Variants in MACROD2 observed in about 807,000 individuals in gnomAD.
MACROD2 encodes ADP-ribose glycohydrolase MACROD2.
MACROD2 carries 36 observed loss-of-function variants against 70.4 expected under a neutral mutation model. That is an observed-to-expected ratio of 0.51 (90% CI 0.39 to 0.68). The LOEUF (loss-of-function observed/expected upper bound fraction) is 0.68, where lower values mean the gene tolerates loss of function less well. Ranked by LOEUF, MACROD2 falls within the 30% of genes least tolerant of loss-of-function variation. The pLI, the probability that MACROD2 is intolerant of heterozygous loss-of-function variation, is 0.00. For missense variants in MACROD2, 496 were observed against 538.4 expected (o/e 0.92, Z 0.78); for synonymous variants, 172 against 178.8 (o/e 0.96, Z 0.30).
intron 5 of MACROD2, among the ~76,000 whole-genome samples, chr20:15,026,091 A>G (rs1287847842): frequency 6.6e-6 from 1 of 151,346 alleles, no homozygotes; most frequent in African/African-American, 2.4e-5. Flanking sequence ...ACACTGTGGT[A>G]GACTAGTATT....
chr20:14,466,982 G>A (rs2084459545), intron 3 of MACROD2, among the ~76,000 whole-genome samples: 1 of 152,190 alleles, frequency 6.6e-6, no homozygotes, highest in Non-Finnish European at 1.5e-5. Flanking sequence ...TCAGGGGTTG[G>A]GGACCCACTT....
chr20:14,266,843 G>T (rs570582203), intron 3 of MACROD2, among the ~76,000 whole-genome samples: 1 of 152,238 alleles, frequency 6.6e-6, no homozygotes, highest in African/African-American at 2.4e-5. Flanking sequence ...TTAGTTATCA[G>T]GTCACCCAGA....
intron 15 of MACROD2, among the ~76,000 whole-genome samples, chr20:15,995,075 A>C (rs2147489295): frequency 6.6e-6 from 1 of 152,218 alleles, no homozygotes; most frequent in African/African-American, 2.4e-5. Flanking sequence ...ATTGATATAT[A>C]ATTGAGTTAT....
chr20:15,487,568 CATAGA>C (rs1385615458), intron 7 of MACROD2, among the ~76,000 whole-genome samples: 15 of 152,122 alleles, frequency 9.9e-5, no homozygotes, highest in African/African-American at 3.4e-4. Context: ...CTATCTAAAC[CATAGA>C]ATAGAAGTCT....
At chr20:15,678,014 A>C (rs927008778) in intron 8 of MACROD2, among the ~76,000 whole-genome samples, 1 of 152,050 alleles carries the variant, frequency 6.6e-6, no homozygotes, top group Non-Finnish European at 1.5e-5. Flanking sequence ...GCAGTGAGCC[A>C]AGATCACGCC....
intron 8 of MACROD2, among the ~76,000 whole-genome samples, chr20:15,613,773 T>TTGC (rs1205052948): frequency 6.6e-6 from 1 of 152,194 alleles, no homozygotes; most frequent in Non-Finnish European, 1.5e-5. Flanking sequence ...ACAGTGGAAC[T>TTGC]TGCCTCTTAG....
chr20:15,062,106 A>C (rs1476284929), intron 5 of MACROD2, among the ~76,000 whole-genome samples: 3 of 152,140 alleles, frequency 2.0e-5, no homozygotes, highest in African/African-American at 7.2e-5. Flanking sequence ...TTGCTGATGA[A>C]GAATGGGGGA....
At chr20:14,739,211 G>A (rs537766465) in intron 5 of MACROD2, among the ~76,000 whole-genome samples, 1 of 152,040 alleles carries the variant, frequency 6.6e-6, no homozygotes, top group Non-Finnish European at 1.5e-5. Flanking sequence ...TAGAATTCTA[G>A]TATGAGAAAT....
chr20:14,000,223 C>T (rs531509839), intron 1 of MACROD2, among the ~76,000 whole-genome samples: 80 of 152,284 alleles, frequency 5.3e-4, no homozygotes, highest in African/African-American at 1.9e-3. Context: ...GGCTAGACCA[C>T]TCTTTAAATT....
chr20:15,426,201 TAA>T (rs35840462), intron 6 of MACROD2, among the ~76,000 whole-genome samples: 5,586 of 94,666 alleles, frequency 0.059, 316 homozygotes, highest in African/African-American at 0.19. Context: ...GAATGATCAA[TAA>T]AAAAAAAAAA....
chr20:15,904,880 CAAAAA>C (rs10556594), intron 10 of MACROD2, among the ~76,000 whole-genome samples: 39 of 129,052 alleles, frequency 3.0e-4, no homozygotes, highest in East Asian at 2.5e-3. Flanking sequence ...GACTCTGTCT[CAAAAA>C]AAAAAAAAAA....
chr20:15,683,312 C>T (rs934169757), intron 8 of MACROD2, among the ~76,000 whole-genome samples: 6 of 152,202 alleles, frequency 3.9e-5, no homozygotes, highest in African/African-American at 1.4e-4. Context: ...AGCTCCTTCT[C>T]TCCACAAAGC....
intron 5 of MACROD2, among the ~76,000 whole-genome samples, chr20:15,080,141 A>C (rs2075692004): frequency 7.1e-6 from 1 of 141,778 alleles, no homozygotes; most frequent in Non-Finnish European, 1.6e-5. Flanking sequence ...TAAATAAATA[A>C]ATAAATAAAT....
At chr20:14,220,192 C>T (rs368844479) in intron 3 of MACROD2, among the ~76,000 whole-genome samples, 13 of 151,938 alleles carry the variant, frequency 8.6e-5, no homozygotes, top group African/African-American at 1.4e-4. Flanking sequence ...TGTCCTTGGG[C>T]GGGTCTTGCT....
chr20:14,804,913 C>G (rs201385978), intron 5 of MACROD2, among the ~76,000 whole-genome samples: 6 of 143,486 alleles, frequency 4.2e-5, no homozygotes, highest in East Asian at 2.1e-4. Context: ...GAGAGAGAGA[C>G]AGAGAGAGAG....
At chr20:15,209,115 G>GTATTTAGTTATT (rs1555792788) in intron 5 of MACROD2, among the ~76,000 whole-genome samples, 3 of 147,074 alleles carry the variant, frequency 2.0e-5, no homozygotes, top group Non-Finnish European at 4.5e-5. Flanking sequence ...GGTGGTGGTG[G>GTATTTAGTTATT]TATTTATTTA....
intron 8 of MACROD2, among the ~76,000 whole-genome samples, chr20:15,820,269 C>T (rs540347325): frequency 6.6e-6 from 1 of 152,250 alleles, no homozygotes; most frequent in South Asian, 2.1e-4. Context: ...AGTCTCACTG[C>T]AGCCTCAACC....
intron 5 of MACROD2, among the ~76,000 whole-genome samples, chr20:14,907,267 G>T (rs2073970259): frequency 1.3e-5 from 2 of 152,206 alleles, no homozygotes; most frequent in Admixed American, 1.3e-4. Flanking sequence ...GACTGCCTCT[G>T]GGCTGCTACT....
intron 8 of MACROD2, among the ~76,000 whole-genome samples, chr20:15,856,096 T>C (rs552841506): frequency 6.5e-4 from 99 of 152,368 alleles, no homozygotes; most frequent in African/African-American, 2.1e-3. Flanking sequence ...ATTTACTATG[T>C]ACTGCCAAAT....
Sources: gnomAD v4.1 joint callset for allele counts (sites outside exome capture counted in the v4.1 genomes callset) on GRCh38, gnomAD v4.1.1 for gene constraint, MANE v1.5 for transcripts, NCBI Gene and HGNC (gene_info 2026-07-23, HGNC 2026-07-21) for gene names.